The following ASIC2 variants were observed in gnomAD, a reference collection of about 807,000 sequenced individuals.
The protein encoded by ASIC2 is acid sensing ion channel subunit 2.
A neutral mutation model predicts 57.3 loss-of-function variants in ASIC2; 25 were observed. The observed-to-expected ratio is 0.44, with a 90% confidence interval of 0.32 to 0.61. ASIC2 has a LOEUF of 0.61. ASIC2 is among the 20% of genes least tolerant of loss of function. The pLI is 0.06. For missense variants in ASIC2, 641 were observed against 738.1 expected (o/e 0.87, Z 1.52); for synonymous variants, 319 against 307.5 (o/e 1.04, Z -0.39).
At chr17:33,659,686 T>C (rs906541767) in intron 1 of ASIC2, among the ~76,000 whole-genome samples, 4 of 151,818 alleles carry the variant, frequency 2.6e-5, no homozygotes, top group African/African-American at 9.7e-5. Flanking sequence ...CTGGCCAACA[T>C]GGTGAAACCC....
intron 1 of ASIC2, among the ~76,000 whole-genome samples, chr17:33,146,152 G>A (rs866429337): frequency 3.3e-5 from 5 of 152,264 alleles, no homozygotes; most frequent in East Asian, 1.9e-4. Context: ...TCAACTTCCC[G>A]CCTCCTCAGA....
At chr17:33,420,576 G>C (rs1023812617) in intron 1 of ASIC2, among the ~76,000 whole-genome samples, 1 of 152,138 alleles carries the variant, frequency 6.6e-6, no homozygotes, top group Non-Finnish European at 1.5e-5. Flanking sequence ...TTGGGTTAAG[G>C]TGTTGTTTGC....
At chr17:34,003,237 CTT>C (rs1906406746) in intron 1 of ASIC2, 1 of 152,166 alleles carries the variant, frequency 6.6e-6, no homozygotes, top group African/African-American at 2.4e-5. Flanking sequence ...TACTATGAGA[CTT>C]TGAGAAAATG....
intron 1 of ASIC2, among the ~76,000 whole-genome samples, chr17:34,135,056 T>G (rs1912090848): frequency 6.6e-6 from 1 of 152,378 alleles, no homozygotes; most frequent in African/African-American, 2.4e-5. Context: ...ACAGACAGGC[T>G]TGTCAGAACT....
chr17:33,508,519 T>G (rs1914331414), intron 1 of ASIC2, among the ~76,000 whole-genome samples: 1 of 152,102 alleles, frequency 6.6e-6, no homozygotes, highest in South Asian at 2.1e-4. Context: ...GTGGGGCCAG[T>G]CCAAGTTGGA....
chr17:33,773,173 G>GGA, intron 1 of ASIC2, among the ~76,000 whole-genome samples: 1 of 151,794 alleles, frequency 6.6e-6, no homozygotes, highest in Non-Finnish European at 1.5e-5. Flanking sequence ...AACTGCATAG[G>GGA]GATTGAAAAT....
chr17:33,618,045 T>C (rs1905662338), intron 1 of ASIC2, among the ~76,000 whole-genome samples: 1 of 152,084 alleles, frequency 6.6e-6, no homozygotes, highest in Non-Finnish European at 1.5e-5. Context: ...TCTAGTAGAC[T>C]CCTTCTCAGA....
intron 1 of ASIC2, among the ~76,000 whole-genome samples, chr17:33,761,698 T>A (rs145313516): frequency 5.9e-5 from 9 of 152,102 alleles, no homozygotes; most frequent in Non-Finnish European, 8.8e-5. Flanking sequence ...GAGCCCCTCA[T>A]ACACTATGAA....
intron 3 of ASIC2, among the ~76,000 whole-genome samples, chr17:33,064,256 T>G (rs909359816): frequency 2.6e-4 from 40 of 152,152 alleles, no homozygotes; most frequent in Non-Finnish European, 5.3e-4. Context: ...GAATTTTCAG[T>G]TTTTCTGCTC....
intron 1 of ASIC2, among the ~76,000 whole-genome samples, chr17:33,575,929 T>C (rs1916606825): frequency 6.6e-6 from 1 of 152,168 alleles, no homozygotes; most frequent in Non-Finnish European, 1.5e-5. Context: ...AGAGTTTGCC[T>C]GTAATTAGTT....
chr17:33,180,763 A>T (rs1164408909), intron 1 of ASIC2, among the ~76,000 whole-genome samples: 1 of 151,816 alleles, frequency 6.6e-6, no homozygotes, highest in Non-Finnish European at 1.5e-5. Flanking sequence ...CAGACTCCTA[A>T]CTCCTGATGA....
At position 34,032,200 on chromosome 17, in the gene ASIC2, C is replaced by T. The variant is rs559091574; in HGVS notation, c.555+123778G>A. Reference sequence around the variant, plus strand: ...TCTACAAGCCAGAAGAGAGTGGGGGCCAATATTCAACATTCTTAAAGAAAA... The same window carrying T: ...TCTACAAGCCAGAAGAGAGTGGGGGTCAATATTCAACATTCTTAAAGAAAA... On this transcript the variant is annotated intron_variant, in intron 1 of 9. Coordinates refer to the ASIC2 transcript ENST00000359872. Among the ~76,000 whole-genome samples the T allele has an allele frequency of 3.1e-3, 467 of 152,164 alleles. 9 individuals carry two copies. The highest frequency in any genetic ancestry group is 0.027 in the Admixed American group (409 of 15,288).
chr17:33,037,736 G>T (rs1035632710), intron 3 of ASIC2, among the ~76,000 whole-genome samples: 1 of 152,176 alleles, frequency 6.6e-6, no homozygotes, highest in African/African-American at 2.4e-5. Context: ...TGATAATAAC[G>T]TTTATTTTTG....
intron 1 of ASIC2, chr17:33,976,387 T>A (rs1471370420): frequency 1.3e-5 from 2 of 152,096 alleles, no homozygotes; most frequent in Non-Finnish European, 2.9e-5. Flanking sequence ...CACAATAACC[T>A]GCCCAGGCCT....
intron 1 of ASIC2, among the ~76,000 whole-genome samples, chr17:33,660,413 A>T (rs1259818039): frequency 6.6e-6 from 1 of 151,932 alleles, no homozygotes; most frequent in African/African-American, 2.4e-5. Flanking sequence ...GCTGTAGGAA[A>T]ATATTTTCTT....
chr17:33,167,797 T>TTAA (rs879534934), intron 1 of ASIC2, among the ~76,000 whole-genome samples: 9,250 of 152,312 alleles, frequency 0.061, 381 homozygotes, highest in Non-Finnish European at 0.098. Flanking sequence ...TGCCTTCCTC[T>TTAA]GCCTCTATTT....
chr17:33,343,894 T>G (rs1453998322), intron 1 of ASIC2, among the ~76,000 whole-genome samples: 3 of 152,226 alleles, frequency 2.0e-5, no homozygotes, highest in Non-Finnish European at 2.9e-5. Flanking sequence ...ACTGTGCCTT[T>G]GCCCAGACTT....
At chr17:34,054,632 T>C (rs1459224103) in intron 1 of ASIC2, among the ~76,000 whole-genome samples, 1 of 152,216 alleles carries the variant, frequency 6.6e-6, no homozygotes, top group Non-Finnish European at 1.5e-5. Flanking sequence ...TCCTACCCGA[T>C]ATTTGCTCCA....
intron 3 of ASIC2, among the ~76,000 whole-genome samples, chr17:33,072,816 A>T (rs1240388805): frequency 1.3e-5 from 2 of 152,224 alleles, no homozygotes; most frequent in African/African-American, 4.8e-5. Context: ...CAGGGGCCTT[A>T]GCTTTCACTC....
Sources: allele counts gnomAD v4.1 joint callset (sites outside exome capture counted in the v4.1 genomes callset), GRCh38; gene constraint gnomAD v4.1.1; transcripts MANE v1.5; gene names NCBI Gene and HGNC (gene_info 2026-07-23, HGNC 2026-07-21).